The following WNT8B variants were observed in gnomAD, a reference collection of about 807,000 sequenced individuals.
WNT8B encodes protein Wnt-8b.
Under a neutral mutation model 36.6 loss-of-function variants are expected in WNT8B, and 24 were observed. The ratio of observed to expected loss-of-function variants is 0.66; its 90% CI spans 0.48 to 0.92. WNT8B has a LOEUF of 0.92. Ranked by LOEUF, WNT8B falls within the 40% of genes least tolerant of loss-of-function variation. The pLI is 0.00. For synonymous variants in WNT8B, 199 were observed against 189.8 expected, an observed-to-expected ratio of 1.05 and a Z score of -0.40; for missense variants, 402 against 470.8, an observed-to-expected ratio of 0.85 and a Z score of 1.35.
At chr10:100,478,164 C>A (rs1447283269) in intron 1 of WNT8B, among the ~76,000 whole-genome samples, 1 of 152,104 alleles carries the variant, frequency 6.6e-6, no homozygotes, top group Non-Finnish European at 1.5e-5. Flanking sequence ...ATGACTCAAT[C>A]CCTAGAGAGA....
chr10:100,477,960 T>A (rs1011886066), intron 1 of WNT8B, among the ~76,000 whole-genome samples: 47 of 150,438 alleles, frequency 3.1e-4, no homozygotes, highest in Non-Finnish European at 5.6e-4. Context: ...TTTTTTTTTT[T>A]AGTAGAGACG....
intron 3 of WNT8B, among the ~76,000 whole-genome samples, chr10:100,480,293 A>T (rs775712960): frequency 5.9e-5 from 9 of 152,060 alleles, no homozygotes; most frequent in Non-Finnish European, 1.2e-4. Context: ...GTCTCCTCAC[A>T]ATGTAAGTAA....
At position 100,479,947 on chromosome 10, in the gene WNT8B, C is replaced by T; in HGVS notation, c.176C>T (p.Ala59Val). ...ATTGAAGAATGCAAGTATCAGTTTG[C>T]CTGGGACCGCTGGAACTGCCCTGAG... ...SGIEECKYQF[A>V]WDRWNCPERA... Residue 59 changes from alanine to valine, a missense_variant, in exon 3 of 6, where the codon GCC becomes GTC. Coordinates refer to ENST00000343737, the MANE Select transcript of WNT8B (RefSeq NM_003393.4). 1.2e-6 allele frequency: 2 copies of T among 1,613,976 alleles called. No individual in the cohort carries two copies. Among genetic ancestry groups the T allele is most frequent in the Non-Finnish European group, 1.7e-6 (2 of 1,179,930 alleles).
rs1589726465 is a variant in WNT8B at position 100,482,057 on chromosome 10, G to T, written c.510+3G>T. 6.2e-7 allele frequency: 1 copy of T among 1,614,092 alleles called. No individual in the cohort carries two copies. The highest frequency in any genetic ancestry group is 8.5e-7 in the Non-Finnish European group (1 of 1,179,966). On this transcript the variant is annotated splice_donor_region_variant and intron_variant, in intron 5 of 5. Coordinates refer to ENST00000343737, the MANE Select transcript of WNT8B (RefSeq NM_003393.4). This position sits in a 1 kb window ranked among gnomAD's most constrained non-coding sequence, Gnocchi z 6.6. ...ACAACAACGAGGCTGGCCGCAAGGT[G>T]AGTCCCGCAGCCCTTGGAAATAGGC...
intron 4 of WNT8B, 97 bp downstream of exon 4, chr10:100,481,220 T>C (rs1168807753): frequency 8.1e-6 from 12 of 1,483,886 alleles, no homozygotes; most frequent in Non-Finnish European, 1.1e-5. Flanking sequence ...TTCTTCTAAA[T>C]ATGAAGAAAA....
chr10:100,478,727 G>A (rs1481230755), intron 1 of WNT8B, among the ~76,000 whole-genome samples: 6 of 151,866 alleles, frequency 4.0e-5, no homozygotes, highest in Non-Finnish European at 7.4e-5. Context: ...GACTACAGGC[G>A]CCTGCCACCA....
chr10:100,477,332 G>A (rs559506183), intron 1 of WNT8B, among the ~76,000 whole-genome samples: 9 of 151,060 alleles, frequency 6.0e-5, no homozygotes, highest in Non-Finnish European at 1.2e-4. Flanking sequence ...TTGGAGTCTC[G>A]GTCTGTTACC....
intron 1 of WNT8B, among the ~76,000 whole-genome samples, chr10:100,477,943 T>C (rs1053616123): frequency 1.6e-5 from 2 of 125,470 alleles, no homozygotes; most frequent in Non-Finnish European, 3.2e-5. Context: ...TGCCTAGCTA[T>C]TTTTTTTTTT....
chr10:100,476,940 G>A (rs973095859), intron 1 of WNT8B, among the ~76,000 whole-genome samples: 1 of 152,082 alleles, frequency 6.6e-6, no homozygotes, highest in Non-Finnish European at 1.5e-5. Context: ...ACTCATGTAT[G>A]TGGCTTTATG....
At chr10:100,472,643 G>A (rs533067370) in intron 1 of WNT8B, among the ~76,000 whole-genome samples, 75 of 152,222 alleles carry the variant, frequency 4.9e-4, no homozygotes, top group Non-Finnish European at 6.8e-4. Context: ...ACACACACAC[G>A]TATACTGGAC....
intron 1 of WNT8B, 72 bp from the exon 2 acceptor site, chr10:100,478,979 AC>A: frequency 7.5e-7 from 1 of 1,332,360 alleles, no homozygotes; most frequent in African/African-American, 1.5e-5. Context: ...AGTAATTCTT[AC>A]CACTCTTGGA....
rs78897747 is a variant in WNT8B at position 100,467,331 on chromosome 10, T to C, written c.68+4095T>C. Among the ~76,000 whole-genome samples the C allele has an allele frequency of 3.0e-3, 464 of 152,274 alleles. 3 individuals carry two copies. The highest frequency in any genetic ancestry group is 0.011 in the African/African-American group (452 of 41,554). On this transcript the variant is annotated intron_variant, in intron 1 of 5. Coordinates refer to ENST00000343737, the MANE Select transcript of WNT8B (RefSeq NM_003393.4). ...CCAGTCCAAACTCGCTTTTTAAAAA[T>C]AGGTTGTTTTCGCAACTTCAGCATC... is the stretch of plus-strand genomic sequence containing the variant.
intron 1 of WNT8B, among the ~76,000 whole-genome samples, chr10:100,466,288 A>G (rs1850906790): frequency 6.6e-6 from 1 of 151,692 alleles, no homozygotes; most frequent in Non-Finnish European, 1.5e-5. Context: ...TGATCCATTA[A>G]AAAAAAAGCT....
chr10:100,482,383 T>C lies in WNT8B; in HGVS notation c.623T>C (p.Leu208Pro), dbSNP rs1442006077. 7 of 1,606,676 alleles carry C rather than the reference T, an allele frequency of 4.4e-6. No individual in the cohort carries two copies. The highest frequency in any genetic ancestry group is 5.1e-6 in the Non-Finnish European group (6 of 1,179,954). The change falls in exon 6 of 6, where the codon CTG becomes CCG. Residue 208 changes from leucine (L) to proline (P), a missense_variant. Around this residue, in one of 3 missense-constraint regions of WNT8B, gnomAD observed 256 missense variants for 278.6 expected, o/e 0.92. Transcript: ENST00000343737. The surrounding 1 kb of genome is among the most constrained non-coding windows in gnomAD (Gnocchi z 6.6). Reference protein sequence around the residue: ...LPEFREVGAHLKEKYHAALKV... With the variant: ...LPEFREVGAHPKEKYHAALKV... ...GAGTTCCGCGAGGTGGGCGCGCACC[T>C]GAAGGAGAAGTACCACGCAGCACTC...
At chr10:100,469,629 T>A (rs758167252) in intron 1 of WNT8B, among the ~76,000 whole-genome samples, 57 of 152,206 alleles carry the variant, frequency 3.7e-4, no homozygotes, top group Non-Finnish European at 1.5e-4. Context: ...TCAGATAAGG[T>A]AGTGAAGAAA....
intron 1 of WNT8B, among the ~76,000 whole-genome samples, chr10:100,478,395 C>T (rs1005741874): frequency 7.2e-5 from 11 of 152,046 alleles, no homozygotes; most frequent in East Asian, 1.9e-4. Context: ...TGTAAAATAC[C>T]GAGAGTAGAG....
rs1441854828 is a variant in WNT8B at position 100,483,437 on chromosome 10, T to C, written c.*621T>C. 6.6e-6 allele frequency: 1 copy of C among 152,204 alleles called. No individual in the cohort carries two copies. Among genetic ancestry groups the C allele is most frequent in the Non-Finnish European group, 1.5e-5 (1 of 68,056 alleles). 9.4% of individuals were successfully genotyped at this position (152,204 alleles called of 1,614,324 possible). A position where few individuals can be genotyped will look rare whatever the true frequency, so the allele number is the denominator to read the frequency against. ...GAAGAGGGAGCTCTGGAGTGCTAAC[T>C]TGAACACCAAGGGTGCTACTCATCC... On this transcript the variant is annotated 3_prime_UTR_variant, in exon 6 of 6. Transcript: ENST00000343737.
rs749089520 is a variant in WNT8B at position 100,483,201 on chromosome 10, C to T, written c.*385C>T. The T allele has an allele frequency of 3.7e-5, 7 of 187,928 alleles. No individual in the cohort carries two copies. The highest frequency in any genetic ancestry group is 6.5e-5 in the Non-Finnish European group (6 of 92,428). The allele number at this position is 187,928 out of a possible 1,614,324, so 11.6% of individuals were successfully genotyped here. A position where few individuals can be genotyped will look rare whatever the true frequency, so the allele number is the denominator to read the frequency against. On this transcript the variant is annotated 3_prime_UTR_variant, in exon 6 of 6. Transcript: ENST00000343737. The stretch of plus-strand genomic sequence containing the variant: ...GGACCCAGGTAAAGTCAAAGCTTTG[C>T]CCTTTTGCCCACTGTCTGCTACCAG...
intron 4 of WNT8B, among the ~76,000 whole-genome samples, chr10:100,481,711 G>A (rs962258701): frequency 6.6e-6 from 1 of 152,150 alleles, no homozygotes; most frequent in Non-Finnish European, 1.5e-5. Context: ...CCTGAGCAGG[G>A]GATTGGCTGA....
Sources: allele counts gnomAD v4.1 joint callset (sites outside exome capture counted in the v4.1 genomes callset), GRCh38; gene constraint gnomAD v4.1.1; regional missense constraint gnomAD v4.1.1; non-coding constraint Gnocchi (gnomAD v3.1); transcripts MANE v1.5; gene names NCBI Gene and HGNC (gene_info 2026-07-23, HGNC 2026-07-21).